Variants in LPP observed in about 807,000 individuals in gnomAD.
LPP encodes the protein lipoma-preferred partner.
LPP carries 38 observed loss-of-function variants against 60.4 expected under a neutral mutation model. That is an observed-to-expected ratio of 0.63 (90% CI 0.49 to 0.83). LPP has a LOEUF of 0.83. Among genes scored for constraint, LPP ranks in the 40% least tolerant of loss-of-function variants. The pLI, the probability that LPP is intolerant of heterozygous loss-of-function variation, is 0.00. For missense variants in LPP, 902 were observed against 783.6 expected (o/e 1.15, Z -1.80); for synonymous variants, 328 against 290.8 (o/e 1.13, Z -1.30).
rs1770706208 is a variant in LPP, at chr3:188,886,717, A to C, written c.*12238A>C. On this transcript the variant is annotated 3_prime_UTR_variant, in exon 12 of 12. Transcript: ENST00000617246. ...GGGATCATACAATTGTATTGTCTTCAAAACACACACACACACACATACACA... is the reference window on the plus strand; with the variant it reads ...GGGATCATACAATTGTATTGTCTTCCAAACACACACACACACACATACACA... 1 of 176,580 alleles carries C rather than the reference A, an allele frequency of 5.7e-6. No homozygotes were observed. The highest frequency in any genetic ancestry group is 1.0e-5 in the Non-Finnish European group (1 of 97,416). The allele number at this position is 176,580 out of a possible 1,614,324, so 10.9% of individuals were successfully genotyped here.
chr3:188,701,370 T>C (rs1319068018), intron 7 of LPP, among the ~76,000 whole-genome samples: 3 of 151,962 alleles, frequency 2.0e-5, no homozygotes, highest in African/African-American at 7.3e-5. Flanking sequence ...TTTTAGATAA[T>C]TTTCAGCTGA....
At chr3:188,697,759 A>T (rs543806134) in intron 7 of LPP, among the ~76,000 whole-genome samples, 1 of 152,344 alleles carries the variant, frequency 6.6e-6, no homozygotes, top group Non-Finnish European at 1.5e-5. Context: ...TCTTGTTAAC[A>T]TTTGGATATA....
intron 2 of LPP, among the ~76,000 whole-genome samples, chr3:188,332,588 G>A (rs1760419814): frequency 6.6e-6 from 1 of 152,060 alleles, no homozygotes; most frequent in South Asian, 2.1e-4. Flanking sequence ...ATAGACTTTG[G>A]GTTCGGATTC....
intron 2 of LPP, among the ~76,000 whole-genome samples, chr3:188,293,038 A>T (rs1330681245): frequency 6.6e-6 from 1 of 152,278 alleles, no homozygotes; most frequent in Non-Finnish European, 1.5e-5. Flanking sequence ...CAAGTGAGAC[A>T]TAACAAATGG....
At chr3:188,403,901 G>T (rs1294990771) in intron 3 of LPP, among the ~76,000 whole-genome samples, 3 of 152,122 alleles carry the variant, frequency 2.0e-5, no homozygotes, top group Non-Finnish European at 4.4e-5. Context: ...GTATGTATGT[G>T]TGTGTATATA....
intron 7 of LPP, among the ~76,000 whole-genome samples, chr3:188,645,248 C>CA (rs1553955059): frequency 1.4e-5 from 2 of 143,812 alleles, no homozygotes; most frequent in East Asian, 4.0e-4. Flanking sequence ...AGTTCTAGAA[C>CA]TTTTTTTTTT....
At chr3:188,460,910 A>G (rs1798824442) in intron 4 of LPP, among the ~76,000 whole-genome samples, 2 of 152,274 alleles carry the variant, frequency 1.3e-5, no homozygotes, top group Non-Finnish European at 2.9e-5. Context: ...ACTGTGAAAG[A>G]GATACTCTCA....
chr3:188,336,442 G>A (rs1761660148), intron 2 of LPP, among the ~76,000 whole-genome samples: 1 of 152,174 alleles, frequency 6.6e-6, no homozygotes, highest in African/African-American at 2.4e-5. Flanking sequence ...TTTGGACCCA[G>A]AGAGCAGGAT....
At chr3:188,280,386 G>A (rs879556342) in intron 2 of LPP, among the ~76,000 whole-genome samples, 1 of 152,122 alleles carries the variant, frequency 6.6e-6, no homozygotes, top group Admixed American at 6.5e-5. Flanking sequence ...AGAGCAATTT[G>A]CTTTCCTTAA....
intron 4 of LPP, among the ~76,000 whole-genome samples, chr3:188,413,440 G>A (rs967568947): frequency 1.3e-5 from 2 of 152,226 alleles, no homozygotes; most frequent in African/African-American, 2.4e-5. Flanking sequence ...ATAAGTATGC[G>A]TGTTATGCCA....
chr3:188,423,996 T>A (rs1788605500), intron 4 of LPP, among the ~76,000 whole-genome samples: 1 of 152,190 alleles, frequency 6.6e-6, no homozygotes, highest in Non-Finnish European at 1.5e-5. Context: ...TTTGTTGCCA[T>A]TGCTTTTGGT....
intron 2 of LPP, among the ~76,000 whole-genome samples, chr3:188,333,978 C>T (rs1760863232): frequency 6.6e-6 from 1 of 152,192 alleles, no homozygotes; most frequent in African/African-American, 2.4e-5. Flanking sequence ...ACTGACTCCT[C>T]CTTTGTACTT....
chr3:188,690,854 A>G (rs1047092695), intron 7 of LPP, among the ~76,000 whole-genome samples: 1 of 152,158 alleles, frequency 6.6e-6, no homozygotes, highest in African/African-American at 2.4e-5. Flanking sequence ...GAAGGATGCT[A>G]ACAATATTAT....
chr3:188,391,821 C>T (rs1049625355), intron 3 of LPP, among the ~76,000 whole-genome samples: 1 of 151,794 alleles, frequency 6.6e-6, no homozygotes, highest in African/African-American at 2.4e-5. Context: ...TGCTTTTTGA[C>T]AGCCACCAAG....
At chr3:188,206,234 G>C (rs566236624) in intron 1 of LPP, among the ~76,000 whole-genome samples, 2 of 152,042 alleles carry the variant, frequency 1.3e-5, no homozygotes, top group East Asian at 3.9e-4. Flanking sequence ...TGAAGATCTT[G>C]GCTCTTGGCG....
At chr3:188,240,342 A>AGTGTGTGTGTGT (rs75173733) in intron 2 of LPP, among the ~76,000 whole-genome samples, 8 of 143,658 alleles carry the variant, frequency 5.6e-5, no homozygotes, top group South Asian at 2.3e-4. Flanking sequence ...TTTGGGTAAG[A>AGTGTGTGTGTGT]GTGTGTGTGT....
chr3:188,730,773 G>A (rs1379521227), intron 8 of LPP, among the ~76,000 whole-genome samples: 1 of 152,200 alleles, frequency 6.6e-6, no homozygotes, highest in Non-Finnish European at 1.5e-5. Flanking sequence ...CATCATGTTA[G>A]CAAAGCTGCA....
At position 188,884,083 on chromosome 3, in the gene LPP, C is replaced by T. The variant is rs890531746; in HGVS notation, c.*9604C>T. ...TCTCCTGGGCAGGACCTGGAGGTAA[C>T]TTTCTGAGCTGTAAAATAGTAATTC... On this transcript the variant is annotated 3_prime_UTR_variant, in exon 12 of 12. Coordinates refer to ENST00000617246, the MANE Select transcript of LPP (RefSeq NM_001375462.1). 1 of 223,398 alleles carries T rather than the reference C, an allele frequency of 4.5e-6. No individual in the cohort carries two copies. The highest frequency in any genetic ancestry group is 2.2e-5 in the African/African-American group (1 of 44,760). The allele number at this position is 223,398 out of a possible 1,614,324, so 13.8% of individuals were successfully genotyped here.
At chr3:188,356,558 T>A (rs911933276) in intron 3 of LPP, among the ~76,000 whole-genome samples, 1 of 152,172 alleles carries the variant, frequency 6.6e-6, no homozygotes, top group Non-Finnish European at 1.5e-5. Flanking sequence ...AAAGAAAGGT[T>A]CTACTGCTTA....
Sources: allele counts gnomAD v4.1 joint callset (sites outside exome capture counted in the v4.1 genomes callset), GRCh38; gene constraint gnomAD v4.1.1; transcripts MANE v1.5; gene names NCBI Gene and HGNC (gene_info 2026-07-23, HGNC 2026-07-21).